TENM2: variants seen among roughly 807,000 people sequenced by gnomAD.
The protein encoded by TENM2 is teneurin transmembrane protein 2.
TENM2 carries 52 observed loss-of-function variants against 245.2 expected under a neutral mutation model. That is an observed-to-expected ratio of 0.21 (90% CI 0.17 to 0.27). The LOEUF (loss-of-function observed/expected upper bound fraction) is 0.27. Among genes scored for constraint, TENM2 ranks in the 10% least tolerant of loss-of-function variants. The pLI is 1.00. For synonymous variants in TENM2, 1,363 were observed against 1,438.9 expected, an observed-to-expected ratio of 0.95 and a Z score of 1.19; for missense variants, 3,046 against 3,666.8, an observed-to-expected ratio of 0.83 and a Z score of 4.37.
chr5:167,126,194 A>G, the TENM2 span, among the ~76,000 whole-genome samples: 1 of 152,180 alleles, frequency 6.6e-6, no homozygotes, highest in African/African-American at 2.4e-5. Flanking sequence ...CATCCCTACA[A>G]TAAGGCAAAC....
chr5:167,764,677 T>G (rs1762889601), intron 2 of TENM2, among the ~76,000 whole-genome samples: 1 of 152,202 alleles, frequency 6.6e-6, no homozygotes, highest in African/African-American at 2.4e-5. Flanking sequence ...CCGGTGAGGA[T>G]TGACTCTTTA....
chr5:167,228,115 G>C, the TENM2 span, among the ~76,000 whole-genome samples: 1 of 151,948 alleles, frequency 6.6e-6, no homozygotes, highest in Non-Finnish European at 1.5e-5. Context: ...TGCAACCTCT[G>C]CCTCCTGGCT....
chr5:167,547,818 A>AT (rs1485586193), intron 2 of TENM2, among the ~76,000 whole-genome samples: 1 of 152,226 alleles, frequency 6.6e-6, no homozygotes, highest in Non-Finnish European at 1.5e-5. Context: ...GTTTTATCAC[A>AT]TGTCCAACAT....
intron 12 of TENM2, 58 bp downstream of exon 14, chr5:168,127,024 A>C: frequency 7.0e-7 from 1 of 1,419,174 alleles, no homozygotes; most frequent in Non-Finnish European, 9.7e-7. Flanking sequence ...GCGCATGGCA[A>C]CTGGCTGTTC....
intron 7 of TENM2, among the ~76,000 whole-genome samples, chr5:168,070,892 GAA>G (rs1790957539): frequency 6.8e-6 from 1 of 146,206 alleles, no homozygotes; most frequent in Non-Finnish European, 1.5e-5. Context: ...AGGAAGAAGA[GAA>G]AAGAAAAAGA....
intron 12 of TENM2, among the ~76,000 whole-genome samples, chr5:168,130,972 A>G (rs755702025): frequency 6.6e-6 from 1 of 152,244 alleles, no homozygotes; most frequent in Non-Finnish European, 1.5e-5. Flanking sequence ...AATGTGTGTA[A>G]TAATAGATCA....
intron 5 of TENM2, among the ~76,000 whole-genome samples, chr5:168,007,628 C>G (rs1290810335): frequency 2.6e-5 from 4 of 152,226 alleles, no homozygotes; most frequent in Non-Finnish European, 5.9e-5. Flanking sequence ...GAGATGGGTT[C>G]TCTTTTCTAC....
chr5:168,230,423 A>C (rs1373377006), intron 25 of TENM2, among the ~76,000 whole-genome samples: 1 of 152,244 alleles, frequency 6.6e-6, no homozygotes, highest in Non-Finnish European at 1.5e-5. Context: ...AATGAAAGCA[A>C]CTTCTGGAAA....
intron 2 of TENM2, among the ~76,000 whole-genome samples, chr5:167,655,502 C>A (rs1041346989): frequency 6.6e-6 from 1 of 152,168 alleles, no homozygotes; most frequent in African/African-American, 2.4e-5. Flanking sequence ...CAGTTAGAAT[C>A]TGAAAGGCTT....
intron 23 of TENM2, among the ~76,000 whole-genome samples, chr5:168,221,942 A>C (rs1337914228): frequency 1.3e-5 from 2 of 152,222 alleles, no homozygotes; most frequent in Non-Finnish European, 2.9e-5. Flanking sequence ...CATGGGGATA[A>C]AAATGCAAAT....
intron 2 of TENM2, among the ~76,000 whole-genome samples, chr5:167,638,226 G>C: frequency 6.6e-6 from 1 of 151,576 alleles, no homozygotes; most frequent in East Asian, 2.0e-4. Flanking sequence ...TGACTCTCAA[G>C]TTATTATTTT....
chr5:168,235,561 C>G (rs1765355746), intron 25 of TENM2, among the ~76,000 whole-genome samples: 1 of 152,190 alleles, frequency 6.6e-6, no homozygotes, highest in Non-Finnish European at 1.5e-5. Flanking sequence ...AATCCCAGCA[C>G]TTTGGGAGGC....
chr5:167,130,946 A>G, the TENM2 span, among the ~76,000 whole-genome samples: 88 of 131,790 alleles, frequency 6.7e-4, 1 homozygote, highest in East Asian at 0.018. Context: ...TTCTGGTGGA[A>G]TAGGTTAGCC....
chr5:167,855,457 T>G (rs937285827), intron 2 of TENM2, among the ~76,000 whole-genome samples: 3 of 152,148 alleles, frequency 2.0e-5, no homozygotes, highest in Non-Finnish European at 4.4e-5. Flanking sequence ...CATGTGTCTG[T>G]AAATATATTT....
chr5:168,238,304 A>AAAAGAAAAGAAAAGAAAAGAAAAGAAAAG (rs879494722), intron 25 of TENM2, among the ~76,000 whole-genome samples: 9 of 107,408 alleles, frequency 8.4e-5, no homozygotes, highest in Non-Finnish European at 1.5e-4. Context: ...GAAAAGAAAA[A>AAAAGAAAAGAAAAGAAAAGAAAAGAAAAG]ATCCCAGAAG....
At chr5:167,544,350 T>G (rs1772408644) in intron 2 of TENM2, among the ~76,000 whole-genome samples, 2 of 152,172 alleles carry the variant, frequency 1.3e-5, no homozygotes, top group Admixed American at 1.3e-4. Flanking sequence ...GCTCTGCATT[T>G]TAAAGTATCC....
chr5:167,193,308 A>G, the TENM2 span, among the ~76,000 whole-genome samples: 1 of 151,976 alleles, frequency 6.6e-6, no homozygotes, highest in Non-Finnish European at 1.5e-5. Context: ...AAATCACCAT[A>G]GGTGTGCAAT....
the TENM2 span, among the ~76,000 whole-genome samples, chr5:167,194,806 T>C: frequency 6.6e-6 from 1 of 152,036 alleles, no homozygotes; most frequent in Non-Finnish European, 1.5e-5. Context: ...AAATTTCTCA[T>C]TAATCCTCAC....
chr5:167,977,319 C>T (rs1269898719), intron 4 of TENM2, among the ~76,000 whole-genome samples: 3 of 152,008 alleles, frequency 2.0e-5, no homozygotes, highest in Non-Finnish European at 4.4e-5. Context: ...TACCCCTCAA[C>T]CTTAAATAAA....
Sources: allele counts gnomAD v4.1 joint callset (sites outside exome capture counted in the v4.1 genomes callset), GRCh38; gene constraint gnomAD v4.1.1; transcripts MANE v1.5; gene names NCBI Gene and HGNC (gene_info 2026-07-23, HGNC 2026-07-21).